Variants in DCC observed in about 807,000 individuals in gnomAD.
DCC encodes DCC netrin 1 receptor, also known as netrin receptor DCC.
A neutral mutation model predicts 172.5 loss-of-function variants in DCC; 58 were observed. The ratio of observed to expected loss-of-function variants is 0.34; its 90% confidence interval spans 0.27 to 0.42. The LOEUF (loss-of-function observed/expected upper bound fraction) is 0.42, where lower values mean the gene tolerates loss of function less well. Among genes scored for constraint, DCC ranks in the 10% least tolerant of loss-of-function variants. The pLI, the probability that DCC is intolerant of heterozygous loss-of-function variation, is 1.00. For missense variants in DCC, 1,740 were observed against 1,791.0 expected (o/e 0.97, Z 0.51); for synonymous variants, 709 against 644.5 (o/e 1.10, Z -1.52).
chr18:52,782,442 C>G (rs1363588003), intron 2 of DCC, among the ~76,000 whole-genome samples: 1 of 152,066 alleles, frequency 6.6e-6, no homozygotes, highest in Non-Finnish European at 1.5e-5. Flanking sequence ...CCCCCATCCT[C>G]TCATCTCCTA....
intron 25 of DCC, among the ~76,000 whole-genome samples, chr18:53,471,725 A>G (rs373205349): frequency 6.6e-6 from 1 of 152,118 alleles, no homozygotes. Context: ...CTTTTTGTAG[A>G]TATTTACATG....
intron 2 of DCC, among the ~76,000 whole-genome samples, chr18:52,830,161 A>G (rs551389709): frequency 3.3e-5 from 5 of 152,328 alleles, no homozygotes; most frequent in Middle Eastern, 3.4e-3. Flanking sequence ...TACAATAGGA[A>G]GCCAAATAGT....
chr18:52,853,742 A>C (rs2039011339), intron 2 of DCC, among the ~76,000 whole-genome samples: 1 of 152,210 alleles, frequency 6.6e-6, no homozygotes, highest in African/African-American at 2.4e-5. Flanking sequence ...TTCCTAGGTC[A>C]GGGACCAAGA....
intron 1 of DCC, among the ~76,000 whole-genome samples, chr18:52,423,460 C>T (rs767922909): frequency 2.0e-5 from 3 of 151,986 alleles, no homozygotes; most frequent in Admixed American, 2.0e-4. Flanking sequence ...TAACTCAGCT[C>T]AAGGCCTCTT....
Position 53,157,529 on chromosome 18 carries a change from A to G in DCC, c.1418+17A>G, listed in dbSNP as rs1374166834. 1.2e-6 allele frequency: 2 copies of G among 1,613,208 alleles called. No homozygotes were observed. Among genetic ancestry groups the G allele is most frequent in the Admixed American group, 3.3e-5 (2 of 59,994 alleles). On this transcript the variant is annotated intron_variant, in intron 8 of 28. Transcript: ENST00000442544. ...TGACAACAGGTAGGTGATGCTACCA[A>G]TAAAATTCAGCTTAATCGGTCATCT...
chr18:52,368,102 G>A (rs1330490703), intron 1 of DCC, among the ~76,000 whole-genome samples: 1 of 152,168 alleles, frequency 6.6e-6, no homozygotes, highest in East Asian at 1.9e-4. Flanking sequence ...CTTGTCTAGA[G>A]GCATAGGAAA....
chr18:52,401,100 T>C (rs759958971), intron 1 of DCC, among the ~76,000 whole-genome samples: 9 of 151,898 alleles, frequency 5.9e-5, no homozygotes, highest in Non-Finnish European at 1.2e-4. Context: ...ACTTAAAGAA[T>C]AATAATGATA....
chr18:52,979,981 G>A (rs2041181367), intron 5 of DCC, among the ~76,000 whole-genome samples: 1 of 152,202 alleles, frequency 6.6e-6, no homozygotes. Context: ...GAGAGGGGAT[G>A]TGAGTTCTAC....
intron 7 of DCC, among the ~76,000 whole-genome samples, chr18:53,112,276 A>G (rs919200244): frequency 6.6e-6 from 1 of 151,566 alleles, no homozygotes; most frequent in African/African-American, 2.4e-5. Flanking sequence ...CTCTTCTTAT[A>G]ATACTAAAAA....
intron 5 of DCC, among the ~76,000 whole-genome samples, chr18:52,950,621 G>A (rs995243658): frequency 1.3e-5 from 2 of 152,078 alleles, no homozygotes; most frequent in Non-Finnish European, 2.9e-5. Flanking sequence ...TTATGGATAT[G>A]GGCATATCAA....
chr18:52,380,089 G>T (rs1405758941), intron 1 of DCC, among the ~76,000 whole-genome samples: 1 of 152,016 alleles, frequency 6.6e-6, no homozygotes, highest in African/African-American at 2.4e-5. Context: ...GGAAGAAGAT[G>T]AAAAGGCAAA....
intron 1 of DCC, among the ~76,000 whole-genome samples, chr18:52,382,872 C>G (rs1238637866): frequency 6.6e-6 from 1 of 152,062 alleles, no homozygotes; most frequent in Non-Finnish European, 1.5e-5. Flanking sequence ...CTATCAGTCA[C>G]TTTTACTTCT....
At chr18:53,411,311 A>T (rs1024839424) in intron 20 of DCC, among the ~76,000 whole-genome samples, 3 of 152,160 alleles carry the variant, frequency 2.0e-5, no homozygotes, top group Non-Finnish European at 2.9e-5. Context: ...ATAATTTGAA[A>T]CATTCAAATG....
chr18:53,064,418 C>A (rs8089455), intron 6 of DCC, among the ~76,000 whole-genome samples: 4,128 of 152,208 alleles, frequency 0.027, 216 homozygotes, highest in African/African-American at 0.094. Flanking sequence ...GTTTGAGATG[C>A]AGACATGACA....
At chr18:52,764,701 A>T (rs1217174338) in intron 2 of DCC, among the ~76,000 whole-genome samples, 2 of 152,150 alleles carry the variant, frequency 1.3e-5, no homozygotes, top group African/African-American at 4.8e-5. Flanking sequence ...CAAAACCGAA[A>T]GCCAAATGAA....
chr18:52,808,872 G>A (rs548348471), intron 2 of DCC, among the ~76,000 whole-genome samples: 1 of 152,300 alleles, frequency 6.6e-6, no homozygotes, highest in Admixed American at 6.5e-5. Context: ...GGACCTATGA[G>A]ATTTTAGAGC....
chr18:52,589,189 T>TG (rs1030612541), intron 1 of DCC, among the ~76,000 whole-genome samples: 5 of 152,176 alleles, frequency 3.3e-5, no homozygotes, highest in East Asian at 1.9e-4. Flanking sequence ...TATTAGGATC[T>TG]GGGGGGTCAG....
At chr18:52,478,991 A>G (rs758198375) in intron 1 of DCC, among the ~76,000 whole-genome samples, 47 of 152,286 alleles carry the variant, frequency 3.1e-4, no homozygotes, top group Admixed American at 2.1e-3. Flanking sequence ...ATGGGAATGA[A>G]ACTTGTTGCT....
At chr18:53,393,368 T>A (rs917029041) in intron 17 of DCC, among the ~76,000 whole-genome samples, 15 of 152,308 alleles carry the variant, frequency 9.8e-5, no homozygotes, top group Middle Eastern at 3.4e-3. Context: ...GTGAGGTATT[T>A]GGAAGAACTC....
Sources: allele counts gnomAD v4.1 joint callset (sites outside exome capture counted in the v4.1 genomes callset), GRCh38; gene constraint gnomAD v4.1.1; transcripts MANE v1.5; gene names NCBI Gene and HGNC (gene_info 2026-07-23, HGNC 2026-07-21).